GATAD2A: variants seen among roughly 807,000 people sequenced by gnomAD.
GATAD2A encodes the protein GATA zinc finger domain containing 2A.
Under a neutral mutation model 68.5 loss-of-function variants are expected in GATAD2A, and 12 were observed. That is an observed-to-expected ratio of 0.18 (90% CI 0.11 to 0.28). The LOEUF is 0.28. Ranked by LOEUF, GATAD2A falls within the 10% of genes least tolerant of loss-of-function variation. The probability of loss-of-function intolerance (pLI) is 1.00; values close to 1 mark genes in which losing one functional copy is unlikely to be tolerated. For missense variants in GATAD2A, 755 were observed against 868.5 expected (o/e 0.87, Z 1.64); for synonymous variants, 410 against 375.3 (o/e 1.09, Z -1.07).
In GATAD2A at chr19:19,501,397, C is replaced by T. The variant is rs755080275; in HGVS notation, c.1484C>T (p.Pro495Leu). 2.5e-6 allele frequency: 4 copies of T among 1,601,950 alleles called. No individual in the cohort carries two copies. The highest frequency in any genetic ancestry group is 1.3e-5 in the African/African-American group (1 of 74,514). The change falls in exon 9 of 12, where the codon CCA becomes CTA. Residue 495 changes from proline to leucine, a missense_variant. Transcript: ENST00000683918. ...AQAKAEPTAA[P>L]HPVLKQVIKP... ...GCCAAGGCCGAGCCCACCGCTGCCC[C>T]ACACCCCGTGCTGAAGCAGGTGAGC...
intron 2 of GATAD2A, among the ~76,000 whole-genome samples, chr19:19,475,637 C>T (rs1600230040): frequency 6.6e-6 from 1 of 152,214 alleles, no homozygotes; most frequent in East Asian, 1.9e-4. Flanking sequence ...TAGAAATCCA[C>T]AGCCTGCGGG....
At chr19:19,422,311 A>C (rs2052522457) in intron 1 of GATAD2A, among the ~76,000 whole-genome samples, 1 of 152,154 alleles carries the variant, frequency 6.6e-6, no homozygotes, top group South Asian at 2.1e-4. Context: ...GGCCTTTGCT[A>C]TCTGGCTCCT....
chr19:19,417,161 A>T (rs948491281), intron 1 of GATAD2A, among the ~76,000 whole-genome samples: 3 of 152,192 alleles, frequency 2.0e-5, no homozygotes, highest in Non-Finnish European at 2.9e-5. Context: ...TTGCATCACC[A>T]CACAGTGAAG....
upstream of GATAD2A, among the ~76,000 whole-genome samples, chr19:19,405,627 C>A (rs1241576889): frequency 2.6e-5 from 4 of 151,816 alleles, no homozygotes; most frequent in African/African-American, 4.8e-5. Flanking sequence ...GCCTGGAACC[C>A]CGCCCACGAG....
intron 1 of GATAD2A, among the ~76,000 whole-genome samples, chr19:19,394,000 C>T (rs1391406014): frequency 6.6e-6 from 1 of 151,888 alleles, no homozygotes; most frequent in African/African-American, 2.4e-5. Flanking sequence ...GATTCTCCTA[C>T]CTCAGCCTCC....
intron 1 of GATAD2A, among the ~76,000 whole-genome samples, chr19:19,431,887 G>C (rs955368770): frequency 2.6e-5 from 4 of 152,074 alleles, no homozygotes; most frequent in African/African-American, 7.2e-5. Flanking sequence ...TGTGGAAGAA[G>C]AGGAGCAGGG....
intron 11 of GATAD2A, among the ~76,000 whole-genome samples, chr19:19,503,906 C>G (rs910574308): frequency 6.6e-6 from 1 of 152,118 alleles, no homozygotes; most frequent in Non-Finnish European, 1.5e-5. Flanking sequence ...GTATTAGCCA[C>G]CACTAAAAAT....
At position 19,430,976 on chromosome 19, in the gene GATAD2A, GGTGTGTGTGTGTGT is replaced by G. The variant is rs71170687; in HGVS notation, c.-7+24986_-7+24999del. 6.6e-3 allele frequency among the ~76,000 whole-genome samples: 899 copies of G among 136,758 alleles called. 37 individuals are homozygous for G. The South Asian group carries it at 0.097, about 15-fold the overall frequency. The allele number at this position is 136,758 out of a possible 152,430, so 89.7% of individuals were successfully genotyped here. A position where few individuals can be genotyped will look rare whatever the true frequency, so the allele number is the denominator to read the frequency against. ...GTGTTTGGGTGGGTTGTATGGTAGG[GGTGTGTGTGTGTGT>G]GTGTGTGTGTGTGTGTGTGTGTGTG... On this transcript the variant is annotated intron_variant, in intron 1 of 11. Coordinates refer to ENST00000683918, the MANE Select transcript of GATAD2A (RefSeq NM_001384528.1).
chr19:19,446,797 G>T (rs1336990156), intron 1 of GATAD2A, among the ~76,000 whole-genome samples: 1 of 152,182 alleles, frequency 6.6e-6, no homozygotes, highest in Non-Finnish European at 1.5e-5. Flanking sequence ...GGCCTCAAGC[G>T]ATCCTCCCTC....
chr19:19,470,111 C>T (rs2058172136), intron 2 of GATAD2A, among the ~76,000 whole-genome samples: 1 of 150,852 alleles, frequency 6.6e-6, no homozygotes, highest in East Asian at 1.9e-4. Flanking sequence ...CACTTTAAGA[C>T]CAAAAAATTA....
At chr19:19,416,253 CTG>C (rs1368444074) in intron 1 of GATAD2A, among the ~76,000 whole-genome samples, 1 of 152,134 alleles carries the variant, frequency 6.6e-6, no homozygotes, top group Non-Finnish European at 1.5e-5. Flanking sequence ...CAGTGGTTGA[CTG>C]TGTTAGTCCC....
intron 1 of GATAD2A, among the ~76,000 whole-genome samples, chr19:19,461,021 G>A (rs2057384307): frequency 6.6e-6 from 1 of 152,062 alleles, no homozygotes; most frequent in Non-Finnish European, 1.5e-5. Context: ...CTGTCATTTC[G>A]CTCGTTTTCC....
chr19:19,501,009 A>T (rs1007681779), intron 8 of GATAD2A, 109 bp from the exon 9 acceptor site: 1 of 967,250 alleles, frequency 1.0e-6, no homozygotes. Flanking sequence ...GCATTTGCAG[A>T]ACGGACAGAC....
chr19:19,402,759 T>G (rs34324111), upstream of GATAD2A, among the ~76,000 whole-genome samples: 1 of 106,084 alleles, frequency 9.4e-6, no homozygotes, highest in Non-Finnish European at 2.0e-5. Context: ...TTTTTTTTTT[T>G]TGTTTTTGTT....
At chr19:19,470,001 C>T (rs964814615) in intron 2 of GATAD2A, among the ~76,000 whole-genome samples, 5 of 151,248 alleles carry the variant, frequency 3.3e-5, no homozygotes, top group Non-Finnish European at 7.4e-5. Context: ...TTATAAGTGA[C>T]GCCCCTTAGA....
At chr19:19,419,078 A>G (rs1284976624) in intron 1 of GATAD2A, among the ~76,000 whole-genome samples, 1 of 152,096 alleles carries the variant, frequency 6.6e-6, no homozygotes. Context: ...TTCAGTGGCC[A>G]GGGAACCCGT....
chr19:19,475,691 A>G (rs1456628020), intron 2 of GATAD2A, among the ~76,000 whole-genome samples: 1 of 152,088 alleles, frequency 6.6e-6, no homozygotes, highest in African/African-American at 2.4e-5. Context: ...TCCCTTGGGA[A>G]TCTGTTTTGT....
intron 1 of GATAD2A, among the ~76,000 whole-genome samples, chr19:19,430,976 GGTGTGTGTGTGTGTGTGTGTGT>G (rs71170687): frequency 7.3e-6 from 1 of 136,694 alleles, no homozygotes; most frequent in African/African-American, 2.8e-5. Context: ...GTATGGTAGG[GGTGTGTGTGTGTGTGTGTGTGT>G]GTGTGTGTGT....
At chr19:19,478,295 T>C (rs1400744566) in intron 2 of GATAD2A, among the ~76,000 whole-genome samples, 1 of 152,138 alleles carries the variant, frequency 6.6e-6, no homozygotes, top group Non-Finnish European at 1.5e-5. Context: ...TGACATTTAC[T>C]GTGTTAGAAA....
Sources: allele counts gnomAD v4.1 joint callset (sites outside exome capture counted in the v4.1 genomes callset), GRCh38; gene constraint gnomAD v4.1.1; transcripts MANE v1.5; gene names NCBI Gene and HGNC (gene_info 2026-07-23, HGNC 2026-07-21).